Variants in WIPF3 observed in about 807,000 individuals in gnomAD.
WIPF3 encodes the protein WAS/WASL interacting protein family member 3.
Under a neutral mutation model 38.9 loss-of-function variants are expected in WIPF3, and 33 were observed. The ratio of observed to expected loss-of-function variants is 0.85; its 90% CI spans 0.64 to 1.14. The LOEUF is 1.14. WIPF3 is among the 50% of genes most tolerant of loss of function. The pLI is 0.00. For missense variants in WIPF3, 711 were observed against 652.5 expected, an observed-to-expected ratio of 1.09 and a Z score of -0.98; for synonymous variants, 324 against 269.3, an observed-to-expected ratio of 1.20 and a Z score of -1.99.
chr7:29,841,645 T>C (rs1334013008), intron 2 of WIPF3, among the ~76,000 whole-genome samples: 1 of 152,096 alleles, frequency 6.6e-6, no homozygotes. Context: ...ACCCCATCTC[T>C]ACTAAAAAAT....
At chr7:29,831,080 A>T (rs1562772624) in intron 1 of WIPF3, among the ~76,000 whole-genome samples, 2 of 152,196 alleles carry the variant, frequency 1.3e-5, no homozygotes, top group Non-Finnish European at 2.9e-5. Context: ...TTCAGCTCTC[A>T]TCCTATAAAC....
At chr7:29,811,668 TAGAGACCTA>T (rs1784381254) in intron 1 of WIPF3, among the ~76,000 whole-genome samples, 1 of 152,236 alleles carries the variant, frequency 6.6e-6, no homozygotes, top group Non-Finnish European at 1.5e-5. Context: ...ACTGTTGCCA[TAGAGACCTA>T]AGTCTTCAAC....
chr7:29,815,613 C>T (rs768590901), intron 1 of WIPF3, among the ~76,000 whole-genome samples: 22 of 152,160 alleles, frequency 1.4e-4, no homozygotes, highest in Non-Finnish European at 2.5e-4. Flanking sequence ...AGAGCCCCCA[C>T]GTGTTATTTC....
intron 4 of WIPF3, among the ~76,000 whole-genome samples, chr7:29,882,005 T>TA (rs777216495): frequency 6.6e-6 from 1 of 152,218 alleles, no homozygotes; most frequent in Non-Finnish European, 1.5e-5. Context: ...TGCCTGCACT[T>TA]ACACCATCAG....
intron 2 of WIPF3, among the ~76,000 whole-genome samples, chr7:29,862,415 G>C (rs573065927): frequency 2.6e-5 from 4 of 152,242 alleles, no homozygotes; most frequent in South Asian, 2.1e-4. Flanking sequence ...TGGGATAGTC[G>C]GCAAGGATGG....
intron 1 of WIPF3, among the ~76,000 whole-genome samples, chr7:29,814,803 C>T (rs1784431679): frequency 6.6e-6 from 1 of 151,918 alleles, no homozygotes; most frequent in Admixed American, 6.6e-5. Context: ...AACTGTTTAA[C>T]TGAGCACCCT....
At chr7:29,873,927 C>T (rs948404335) in intron 2 of WIPF3, among the ~76,000 whole-genome samples, 5 of 152,180 alleles carry the variant, frequency 3.3e-5, no homozygotes, top group African/African-American at 1.2e-4. Flanking sequence ...GTCAGCCAAC[C>T]TGGTTTGTCC....
chr7:29,894,919 G>GTTTT (rs60160111), intron 7 of WIPF3, among the ~76,000 whole-genome samples: 6 of 146,496 alleles, frequency 4.1e-5, no homozygotes, highest in African/African-American at 1.0e-4. Flanking sequence ...GTGTGTTGTT[G>GTTTT]TTTTTTTTTG....
chr7:29,831,510 T>A (rs1199720212), intron 1 of WIPF3, among the ~76,000 whole-genome samples: 1 of 152,250 alleles, frequency 6.6e-6, no homozygotes, highest in African/African-American at 2.4e-5. Context: ...ACGCTCTGTG[T>A]TCATGACAAC....
intron 2 of WIPF3, among the ~76,000 whole-genome samples, chr7:29,860,478 T>C (rs1785256656): frequency 6.6e-6 from 1 of 152,190 alleles, no homozygotes; most frequent in African/African-American, 2.4e-5. Flanking sequence ...TGGCTCCACT[T>C]TGCCTTCTAC....
intron 7 of WIPF3, among the ~76,000 whole-genome samples, chr7:29,901,421 G>A (rs1786273477): frequency 7.8e-6 from 1 of 128,028 alleles, no homozygotes; most frequent in South Asian, 2.4e-4. Context: ...ACAAGACAGA[G>A]TTTGCCTTTC....
In WIPF3 at chr7:29,914,632, T is replaced by A; in HGVS notation, c.*116T>A. ...GGCATACAGGCTTGGAATTGAGAAT[T>A]TATTTATTGTAAATATGTGATTTGC... On this transcript the variant is annotated 3_prime_UTR_variant, in exon 9 of 9. Transcript: ENST00000242140. The A allele has an allele frequency of 1.6e-6, 1 of 631,602 alleles. No individual in the cohort carries two copies. Among genetic ancestry groups the A allele is most frequent in the Non-Finnish European group, 2.4e-6 (1 of 411,242 alleles). The allele number at this position is 631,602 out of a possible 1,614,324, so 39.1% of individuals were successfully genotyped here. A position where few individuals can be genotyped will look rare whatever the true frequency, so the allele number is the denominator to read the frequency against.
At chr7:29,862,868 T>C (rs1419504250) in intron 2 of WIPF3, among the ~76,000 whole-genome samples, 1 of 152,136 alleles carries the variant, frequency 6.6e-6, no homozygotes, top group Non-Finnish European at 1.5e-5. Flanking sequence ...CTATTTTTAC[T>C]TCCTTTTGTG....
chr7:29,836,672 G>T (rs574649494), intron 2 of WIPF3, among the ~76,000 whole-genome samples: 2 of 152,188 alleles, frequency 1.3e-5, no homozygotes, highest in African/African-American at 4.8e-5. Flanking sequence ...ATTAAAAATT[G>T]CATTATGCAG....
chr7:29,900,080 G>A (rs1014275468), intron 7 of WIPF3, among the ~76,000 whole-genome samples: 19 of 152,078 alleles, frequency 1.2e-4, no homozygotes, highest in Non-Finnish European at 2.4e-4. Flanking sequence ...TGGGACTACA[G>A]GTGTGTGCCA....
At chr7:29,871,434 C>A (rs1785495356) in intron 2 of WIPF3, among the ~76,000 whole-genome samples, 1 of 152,208 alleles carries the variant, frequency 6.6e-6, no homozygotes, top group African/African-American at 2.4e-5. Context: ...ATTGGAGAAG[C>A]TACTTTTAGG....
At chr7:29,836,814 C>A (rs1185651729) in intron 2 of WIPF3, among the ~76,000 whole-genome samples, 3 of 151,932 alleles carry the variant, frequency 2.0e-5, no homozygotes, top group African/African-American at 7.3e-5. Context: ...CATGGCTAAA[C>A]CCCATCTCTA....
At chr7:29,827,439 T>C (rs1476963626) in intron 1 of WIPF3, among the ~76,000 whole-genome samples, 1 of 152,220 alleles carries the variant, frequency 6.6e-6, no homozygotes, top group South Asian at 2.1e-4. Context: ...ATTTTACTTA[T>C]AGCTTTAGAA....
At chr7:29,831,233 G>C (rs891074323) in intron 1 of WIPF3, among the ~76,000 whole-genome samples, 2 of 152,224 alleles carry the variant, frequency 1.3e-5, no homozygotes, top group Admixed American at 1.3e-4. Context: ...GCCGTGATGT[G>C]CCTTATGGAG....
Sources: gnomAD v4.1 joint callset for allele counts (sites outside exome capture counted in the v4.1 genomes callset) on GRCh38, gnomAD v4.1.1 for gene constraint, MANE v1.5 for transcripts, NCBI Gene and HGNC (gene_info 2026-07-23, HGNC 2026-07-21) for gene names.